DPP10: variants seen among roughly 807,000 people sequenced by gnomAD.
The protein encoded by DPP10 is dipeptidyl peptidase like 10.
Under a neutral mutation model 120.9 loss-of-function variants are expected in DPP10, and 33 were observed. That is an observed-to-expected ratio of 0.27 (90% CI 0.21 to 0.37). The LOEUF (loss-of-function observed/expected upper bound fraction) is 0.37. Among genes scored for constraint, DPP10 ranks in the 10% least tolerant of loss-of-function variants. The pLI is 1.00. For synonymous variants in DPP10, 337 were observed against 326.1 expected (o/e 1.03, Z -0.36); for missense variants, 816 against 942.8 (o/e 0.87, Z 1.76).
At position 114,779,333 on chromosome 2, in the gene DPP10, C is replaced by T. The variant is rs764423102; in HGVS notation, c.60+336495C>T. Among the ~76,000 whole-genome samples, 171 of 152,164 alleles carry T rather than the reference C, an allele frequency of 1.1e-3. 1 individual carries two copies. The highest frequency in any genetic ancestry group is 0.01 in the Middle Eastern group (3 of 294). On this transcript the variant is annotated intron_variant, in intron 1 of 25. Coordinates refer to ENST00000410059, the MANE Select transcript of DPP10 (RefSeq NM_020868.6). ...AGATTTTCTGTCTGCATATAGACAT[C>T]AATATAAACATAGGTATATGTTTGT...
At chr2:115,426,639 C>T (rs532346235) in intron 3 of DPP10, among the ~76,000 whole-genome samples, 9 of 150,526 alleles carry the variant, frequency 6.0e-5, no homozygotes, top group East Asian at 6.0e-4. Context: ...GTGCCACCTC[C>T]GACGCTGGAG....
chr2:115,650,172 A>AG (rs1393668715), intron 5 of DPP10, among the ~76,000 whole-genome samples: 16 of 152,258 alleles, frequency 1.1e-4, no homozygotes, highest in African/African-American at 3.8e-4. Flanking sequence ...AACAGATCTT[A>AG]GGCACACAGA....
At chr2:115,501,485 T>C (rs966100100) in intron 4 of DPP10, among the ~76,000 whole-genome samples, 4 of 152,118 alleles carry the variant, frequency 2.6e-5, no homozygotes, top group Non-Finnish European at 4.4e-5. Flanking sequence ...TTGAGGTCTC[T>C]TTCTATTCTC....
chr2:114,952,529 C>A (rs910060423), intron 1 of DPP10, among the ~76,000 whole-genome samples: 1 of 152,178 alleles, frequency 6.6e-6, no homozygotes, highest in African/African-American at 2.4e-5. Context: ...CTTCTCTGGT[C>A]TTTTCTAAGC....
At chr2:115,534,939 G>A (rs1381081441) in intron 5 of DPP10, among the ~76,000 whole-genome samples, 12 of 151,362 alleles carry the variant, frequency 7.9e-5, no homozygotes, top group East Asian at 2.0e-4. Flanking sequence ...CATGTCCTTC[G>A]CCCACTTTTT....
chr2:114,795,470 A>C (rs1683625058), intron 1 of DPP10, among the ~76,000 whole-genome samples: 1 of 151,962 alleles, frequency 6.6e-6, no homozygotes. Context: ...CAGCCTGGGC[A>C]ACAAGAGTGA....
At chr2:115,757,801 G>A (rs180873908) in intron 11 of DPP10, among the ~76,000 whole-genome samples, 19 of 151,850 alleles carry the variant, frequency 1.3e-4, no homozygotes, top group African/African-American at 4.3e-4. Flanking sequence ...AAAAAAAGAA[G>A]AATTAAATAT....
At chr2:115,791,755 C>A (rs1684017604) in intron 19 of DPP10, among the ~76,000 whole-genome samples, 2 of 152,158 alleles carry the variant, frequency 1.3e-5, no homozygotes, top group South Asian at 4.1e-4. Flanking sequence ...GCATGCATGG[C>A]CTGCAGTAAG....
intron 1 of DPP10, among the ~76,000 whole-genome samples, chr2:114,961,363 C>CT (rs34132306): frequency 6.6e-6 from 1 of 151,712 alleles, no homozygotes; most frequent in Non-Finnish European, 1.5e-5. Context: ...CCTGTATGTG[C>CT]TTTTTTATAA....
intron 5 of DPP10, among the ~76,000 whole-genome samples, chr2:115,590,039 A>G (rs1412364778): frequency 6.6e-6 from 1 of 150,636 alleles, no homozygotes; most frequent in Non-Finnish European, 1.5e-5. Context: ...TTTCCCTCTC[A>G]TTCTGACTTA....
intron 10 of DPP10, 123 bp from the exon 11 acceptor site, chr2:115,753,051 A>T: frequency 1.3e-6 from 1 of 757,994 alleles, no homozygotes; most frequent in Non-Finnish European, 2.0e-6. Context: ...ACATAAATTA[A>T]TATGTAGCAA....
At chr2:114,908,413 A>T (rs1046589984) in intron 1 of DPP10, among the ~76,000 whole-genome samples, 5 of 151,880 alleles carry the variant, frequency 3.3e-5, no homozygotes, top group Non-Finnish European at 5.9e-5. Context: ...TTCATTTAAT[A>T]AACATTTCCT....
chr2:115,253,442 A>G (rs1318440490), intron 1 of DPP10, among the ~76,000 whole-genome samples: 1 of 152,152 alleles, frequency 6.6e-6, no homozygotes, highest in African/African-American at 2.4e-5. Flanking sequence ...CATTAACTCA[A>G]AAGTCCTAAG....
chr2:114,949,823 A>T (rs1697642443), intron 1 of DPP10, among the ~76,000 whole-genome samples: 1 of 152,122 alleles, frequency 6.6e-6, no homozygotes, highest in Admixed American at 6.5e-5. Context: ...CCCAGCCTCA[A>T]CTCTTAGCTG....
chr2:115,146,075 A>T (rs1392540747), intron 1 of DPP10, among the ~76,000 whole-genome samples: 1 of 152,122 alleles, frequency 6.6e-6, no homozygotes, highest in Non-Finnish European at 1.5e-5. Context: ...CAGGAAAAAA[A>T]TCCTGAAGTT....
chr2:114,946,093 A>C (rs563527709), intron 1 of DPP10, among the ~76,000 whole-genome samples: 6 of 152,222 alleles, frequency 3.9e-5, no homozygotes, highest in Admixed American at 2.0e-4. Context: ...AGACATGTCA[A>C]CTAAATGTAA....
At chr2:114,467,385 G>A (rs999005214) in intron 1 of DPP10, among the ~76,000 whole-genome samples, 45 of 152,136 alleles carry the variant, frequency 3.0e-4, no homozygotes, top group African/African-American at 9.9e-4. Flanking sequence ...AGAAACATGC[G>A]TGCACATTTT....
intron 3 of DPP10, among the ~76,000 whole-genome samples, chr2:115,371,420 G>T (rs1477839230): frequency 6.6e-6 from 1 of 152,082 alleles, no homozygotes; most frequent in East Asian, 1.9e-4. Flanking sequence ...AATAAAATAC[G>T]TGAACTTGAG....
chr2:115,281,338 A>G (rs925126887), intron 1 of DPP10, among the ~76,000 whole-genome samples: 2 of 152,168 alleles, frequency 1.3e-5, no homozygotes, highest in Non-Finnish European at 2.9e-5. Context: ...TATTTCTACT[A>G]GCTAGAAGTA....
Sources: gnomAD v4.1 joint callset for allele counts (sites outside exome capture counted in the v4.1 genomes callset) on GRCh38, gnomAD v4.1.1 for gene constraint, MANE v1.5 for transcripts, NCBI Gene and HGNC (gene_info 2026-07-23, HGNC 2026-07-21) for gene names.